ABHD12: variants seen among roughly 807,000 people sequenced by gnomAD.
ABHD12 encodes lysophosphatidylserine lipase ABHD12.
A neutral mutation model predicts 58.3 loss-of-function variants in ABHD12; 43 were observed. The observed-to-expected ratio is 0.74, with a 90% confidence interval of 0.58 to 0.95. ABHD12 has a LOEUF of 0.95. Among genes scored for constraint, ABHD12 ranks in the 40% least tolerant of loss-of-function variants. The pLI, the probability that ABHD12 is intolerant of heterozygous loss-of-function variation, is 0.00. For missense variants in ABHD12, 539 were observed against 537.2 expected (o/e 1.00, Z -0.03); for synonymous variants, 219 against 211.2 (o/e 1.04, Z -0.32).
chr20:25,331,805 G>A (rs1213614667), intron 2 of ABHD12, among the ~76,000 whole-genome samples: 3 of 152,012 alleles, frequency 2.0e-5, no homozygotes, highest in Admixed American at 6.6e-5. Flanking sequence ...CCTGAAGGAT[G>A]CGCTAAACAT....
At chr20:25,306,454 T>G (rs979754375) in intron 10 of ABHD12, among the ~76,000 whole-genome samples, 3 of 152,206 alleles carry the variant, frequency 2.0e-5, no homozygotes, top group African/African-American at 7.2e-5. Flanking sequence ...CACGGTTCAC[T>G]GCAGTCTTGA....
chr20:25,310,273 A>G (rs1442830340), intron 6 of ABHD12: 1 of 152,362 alleles, frequency 6.6e-6, no homozygotes, highest in Non-Finnish European at 1.5e-5. Context: ...CAGGGAGGGC[A>G]TTTCTGGGTT....
downstream of ABHD12, chr20:25,296,497 C>T (rs116595887): frequency 2.0e-4 from 330 of 1,613,602 alleles, no homozygotes; most frequent in African/African-American, 3.6e-3. Context: ...CTGCAGATCC[C>T]GCCCCCCAAC....
At chr20:25,322,381 A>ATATATATATATATT in intron 3 of ABHD12, among the ~76,000 whole-genome samples, 19 of 59,270 alleles carry the variant, frequency 3.2e-4, no homozygotes, top group African/African-American at 1.5e-3. Flanking sequence ...ATATATATAT[A>ATATATATATATATT]TTTTTTTTTT....
intron 6 of ABHD12, among the ~76,000 whole-genome samples, chr20:25,311,252 C>T (rs1433206772): frequency 6.6e-6 from 1 of 152,190 alleles, no homozygotes; most frequent in Admixed American, 6.5e-5. Flanking sequence ...CCTGGACAAG[C>T]TGGGTGGGCC....
intron 2 of ABHD12, among the ~76,000 whole-genome samples, chr20:25,332,100 G>A (rs1369668129): frequency 2.0e-5 from 3 of 152,042 alleles, no homozygotes; most frequent in Non-Finnish European, 4.4e-5. Flanking sequence ...AAAATAAAAG[G>A]ATGGAGGAAG....
chr20:25,334,942 A>G (rs2089338465), intron 2 of ABHD12, among the ~76,000 whole-genome samples: 1 of 152,048 alleles, frequency 6.6e-6, no homozygotes, highest in Admixed American at 6.6e-5. Flanking sequence ...AACAAAAGCC[A>G]AAATTGACAA....
chr20:25,295,129 A>G, intron 12 of ABHD12: 1 of 1,304,194 alleles, frequency 7.7e-7, no homozygotes. Flanking sequence ...AGATTCATAA[A>G]TCTGGCATTT....
chr20:25,378,414 T>C (rs2089984593), intron 1 of ABHD12, among the ~76,000 whole-genome samples: 1 of 152,156 alleles, frequency 6.6e-6, no homozygotes, highest in Non-Finnish European at 1.5e-5. Context: ...CACTTGGCAT[T>C]GACAGGGCCA....
chr20:25,386,935 G>C (rs1247635266), intron 1 of ABHD12, among the ~76,000 whole-genome samples: 1 of 152,020 alleles, frequency 6.6e-6, no homozygotes, highest in Non-Finnish European at 1.5e-5. Context: ...TACAATAAGA[G>C]AGTTTATCCC....
intron 12 of ABHD12, 108 bp downstream of exon 12, chr20:25,302,111 G>T: frequency 1.3e-6 from 2 of 1,510,622 alleles, no homozygotes; most frequent in Non-Finnish European, 1.8e-6. Context: ...GTGACTCTTG[G>T]CCCCACTGAG....
chr20:25,297,234 T>TC (rs1294023252), downstream of ABHD12: 1 of 152,290 alleles, frequency 6.6e-6, no homozygotes, highest in Non-Finnish European at 1.5e-5. Context: ...TCAGAGGCCT[T>TC]GGTCAGGATG....
At chr20:25,368,115 G>C (rs768872749) in intron 1 of ABHD12, among the ~76,000 whole-genome samples, 19 of 152,104 alleles carry the variant, frequency 1.2e-4, no homozygotes, top group Admixed American at 3.3e-4. Context: ...CTGCAATCCA[G>C]CTAGGCACGG....
chr20:25,390,476 G>GCCCCCCCCCCCCCCCCCCCCCCC lies in ABHD12; in HGVS notation c.191+36_191+37insGGGGGGGGGGGGGGGGGGGGGGG, dbSNP rs773039836. ...ACGCACCTGCGCAAAGTGAGGGACC[G>GCCCCCCCCCCCCCCCCCCCCCCC]GCCCCCCCCCCCCCCCCGCTCCGCG... is the stretch of plus-strand genomic sequence containing the variant. On this transcript the variant is annotated intron_variant, in intron 1 of 12. Coordinates refer to ENST00000339157, the MANE Select transcript of ABHD12 (RefSeq NM_001042472.3). The GCCCCCCCCCCCCCCCCCCCCCCC allele has an allele frequency of 2.0e-4, 208 of 1,034,824 alleles. 2 individuals carry two copies. Among genetic ancestry groups the GCCCCCCCCCCCCCCCCCCCCCCC allele is most frequent in the East Asian group, 7.7e-4 (4 of 5,182 alleles). 64.1% of individuals were successfully genotyped at this position (1,034,824 alleles called of 1,614,324 possible). A position where few individuals can be genotyped will look rare whatever the true frequency, so the allele number is the denominator to read the frequency against.
At chr20:25,386,773 C>T (rs539204120) in intron 1 of ABHD12, among the ~76,000 whole-genome samples, 3 of 151,778 alleles carry the variant, frequency 2.0e-5, no homozygotes, top group Non-Finnish European at 2.9e-5. Flanking sequence ...CCCAGCTACC[C>T]GGGAGGCTGA....
chr20:25,385,437 G>A (rs186332327), intron 1 of ABHD12, among the ~76,000 whole-genome samples: 17 of 151,686 alleles, frequency 1.1e-4, no homozygotes, highest in Admixed American at 9.2e-4. Flanking sequence ...AGGAGAAAAG[G>A]TGAATTAAAT....
At chr20:25,302,115 C>T (rs1209331725) in intron 12 of ABHD12, 104 bp downstream of exon 12, 12 of 1,543,568 alleles carry the variant, frequency 7.8e-6, no homozygotes, top group South Asian at 1.1e-5. Flanking sequence ...CTCTTGGCCC[C>T]ACTGAGGCCC....
intron 2 of ABHD12, among the ~76,000 whole-genome samples, chr20:25,330,666 G>C (rs376181704): frequency 6.6e-6 from 1 of 152,182 alleles, no homozygotes; most frequent in Non-Finnish European, 1.5e-5. Flanking sequence ...CCTGACCCCC[G>C]AGCAGCCTAA....
intron 1 of ABHD12, 102 bp downstream of exon 1, chr20:25,390,411 A>C (rs1600899277): frequency 8.6e-7 from 1 of 1,159,340 alleles, no homozygotes. Context: ...GCGGACGGCC[A>C]CTCTGGGAGG....
Sources: allele counts gnomAD v4.1 joint callset (sites outside exome capture counted in the v4.1 genomes callset), GRCh38; gene constraint gnomAD v4.1.1; transcripts MANE v1.5; gene names NCBI Gene and HGNC (gene_info 2026-07-23, HGNC 2026-07-21).